The following CSMD2 variants were observed in gnomAD, a reference collection of about 807,000 sequenced individuals.
CSMD2 encodes the protein CUB and sushi domain-containing protein 2.
A neutral mutation model predicts 398.5 loss-of-function variants in CSMD2; 130 were observed. That is an observed-to-expected ratio of 0.33 (90% CI 0.28 to 0.38). CSMD2 has a LOEUF of 0.38. CSMD2 is among the 10% of genes least tolerant of loss of function. The pLI is 1.00. For synonymous variants in CSMD2, 1,828 were observed against 1,908.5 expected (o/e 0.96, Z 1.10); for missense variants, 3,829 against 4,764.9 (o/e 0.80, Z 5.78).
chr1:34,093,134 C>T (rs74338696), intron 1 of CSMD2, among the ~76,000 whole-genome samples: 1 of 151,812 alleles, frequency 6.6e-6, no homozygotes, highest in African/African-American at 2.4e-5. Flanking sequence ...GGAGGCACCC[C>T]CCAGCAGGGG....
At chr1:34,060,897 T>C (rs1654416251) in intron 2 of CSMD2, among the ~76,000 whole-genome samples, 1 of 152,114 alleles carries the variant, frequency 6.6e-6, no homozygotes, top group South Asian at 2.1e-4. Flanking sequence ...GCCATGCTTC[T>C]GCCTGGTGGT....
At chr1:34,126,987 G>C (rs1435357924) in intron 1 of CSMD2, among the ~76,000 whole-genome samples, 2 of 152,132 alleles carry the variant, frequency 1.3e-5, no homozygotes, top group Non-Finnish European at 2.9e-5. Flanking sequence ...ACGGCAGATA[G>C]AGAGTGAGAC....
At position 33,751,986 on chromosome 1, in the gene CSMD2, T is replaced by A. The variant is rs1352338731; in HGVS notation, c.1847-8380A>T. On this transcript the variant is annotated intron_variant, in intron 13 of 70. Transcript: ENST00000373381. ...GAGCAGCCTGAGAAAATTTCAATGTTGATGGAATGCAACTGGCAGAAGGGA... is the reference window on the plus strand; with the variant it reads ...GAGCAGCCTGAGAAAATTTCAATGTAGATGGAATGCAACTGGCAGAAGGGA... 2.0e-5 allele frequency among the ~76,000 whole-genome samples: 3 copies of A among 152,132 alleles called. No individual in the cohort carries two copies. In the South Asian group the frequency reaches 6.2e-4, roughly 32 times the overall value.
rs760144163 is a variant in CSMD2 at position 33,633,298 on chromosome 1, G to C, written c.5200+124C>G. On this transcript the variant is annotated intron_variant, in intron 32 of 70. Coordinates refer to ENST00000373381, the MANE Select transcript of CSMD2 (RefSeq NM_001281956.2). The surrounding 1 kb of genome is among the most constrained non-coding windows in gnomAD (Gnocchi z 5.0). ...GCGTTGTAGACAAGCACCAGAACAC[G>C]ACAGGCACGCAGAGCCGTAGGGTTC... The C allele has an allele frequency of 6.9e-6, 5 of 719,490 alleles. No individual in the cohort carries two copies. Among genetic ancestry groups the C allele is most frequent in the African/African-American group, 1.8e-5 (1 of 56,918 alleles). 44.6% of individuals were successfully genotyped at this position (719,490 alleles called of 1,614,324 possible).
intron 48 of CSMD2, among the ~76,000 whole-genome samples, chr1:33,579,699 A>ACAGAGT (rs1638557673): frequency 6.7e-6 from 1 of 149,148 alleles, no homozygotes; most frequent in Non-Finnish European, 1.5e-5. Flanking sequence ...TTTTTTTGAG[A>ACAGAGT]CAGAGTTTCA....
chr1:33,582,213 C>T (rs1049173670), intron 47 of CSMD2, among the ~76,000 whole-genome samples: 1 of 152,156 alleles, frequency 6.6e-6, no homozygotes, highest in Non-Finnish European at 1.5e-5. Flanking sequence ...AATTACTTAA[C>T]AGTCAGAAGC....
At chr1:33,970,337 C>T (rs962541640) in intron 3 of CSMD2, among the ~76,000 whole-genome samples, 1 of 152,100 alleles carries the variant, frequency 6.6e-6, no homozygotes, top group African/African-American at 2.4e-5. Flanking sequence ...TCAATCCCCT[C>T]CCTCTTTTTC....
At chr1:33,707,705 A>G (rs1035195163) in intron 22 of CSMD2, among the ~76,000 whole-genome samples, 2,490 of 121,906 alleles carry the variant, frequency 0.02, 41 homozygotes, top group African/African-American at 0.021. Context: ...GCACACACAC[A>G]CACACACACA....
chr1:34,066,492 T>C (rs977447031), intron 2 of CSMD2, among the ~76,000 whole-genome samples: 14 of 152,052 alleles, frequency 9.2e-5, no homozygotes, highest in Admixed American at 6.5e-4. Context: ...TAATCAAAGT[T>C]TGGGGCTCAG....
chr1:33,791,494 T>C (rs1420707329), intron 11 of CSMD2, among the ~76,000 whole-genome samples: 1 of 152,154 alleles, frequency 6.6e-6, no homozygotes, highest in Non-Finnish European at 1.5e-5. Flanking sequence ...TGACTTTTTT[T>C]TTCTTTTTTT....
chr1:33,876,040 G>A (rs1340872119), intron 5 of CSMD2, among the ~76,000 whole-genome samples: 2 of 152,182 alleles, frequency 1.3e-5, no homozygotes, highest in Non-Finnish European at 2.9e-5. Flanking sequence ...ATAGTGCCAG[G>A]CCAGCTTGCA....
intron 7 of CSMD2, among the ~76,000 whole-genome samples, chr1:33,822,097 G>A (rs1658222456): frequency 6.6e-6 from 1 of 152,124 alleles, no homozygotes. Flanking sequence ...GAGAAGGCGT[G>A]GTGAGACCCG....
At chr1:33,720,534 G>T (rs1451006269) in intron 19 of CSMD2, among the ~76,000 whole-genome samples, 1 of 152,146 alleles carries the variant, frequency 6.6e-6, no homozygotes, top group East Asian at 1.9e-4. Flanking sequence ...GTGTTCCAGA[G>T]AGAAGAACAT....
At chr1:33,855,692 G>A (rs998898039) in intron 5 of CSMD2, among the ~76,000 whole-genome samples, 3 of 152,066 alleles carry the variant, frequency 2.0e-5, no homozygotes, top group Non-Finnish European at 4.4e-5. Flanking sequence ...TCTGAGATCC[G>A]GGAAGGCAGT....
At chr1:33,751,163 T>C (rs1180562365) in intron 13 of CSMD2, among the ~76,000 whole-genome samples, 3 of 151,332 alleles carry the variant, frequency 2.0e-5, no homozygotes, top group Non-Finnish European at 2.9e-5. Flanking sequence ...ACATATAATA[T>C]TATTAGAAAA....
intron 1 of CSMD2, among the ~76,000 whole-genome samples, chr1:34,107,605 A>G (rs1660647198): frequency 6.6e-6 from 1 of 152,038 alleles, no homozygotes; most frequent in Admixed American, 6.5e-5. Context: ...CTTAACCACT[A>G]CTCTATCATA....
intron 2 of CSMD2, among the ~76,000 whole-genome samples, chr1:34,044,825 C>A (rs1328418223): frequency 2.6e-5 from 4 of 152,130 alleles, no homozygotes; most frequent in Admixed American, 6.6e-5. Context: ...AAAAGACATA[C>A]CAATTGACCT....
intron 29 of CSMD2, among the ~76,000 whole-genome samples, chr1:33,639,109 C>T (rs1642968137): frequency 6.6e-6 from 1 of 152,198 alleles, no homozygotes; most frequent in African/African-American, 2.4e-5. Context: ...TTTCCTCCTT[C>T]TCTCAGTCTG....
intron 2 of CSMD2, among the ~76,000 whole-genome samples, chr1:34,072,967 T>C (rs1399469816): frequency 1.3e-5 from 2 of 152,062 alleles, no homozygotes; most frequent in African/African-American, 4.8e-5. Flanking sequence ...CTGACCTGTG[T>C]GAACTTGGAT....
Sources: gnomAD v4.1 joint callset for allele counts (sites outside exome capture counted in the v4.1 genomes callset) on GRCh38, gnomAD v4.1.1 for gene constraint, Gnocchi (gnomAD v3.1) non-coding constraint, MANE v1.5 for transcripts, NCBI Gene and HGNC (gene_info 2026-07-23, HGNC 2026-07-21) for gene names.